RUNDC3B: variants seen among roughly 807,000 people sequenced by gnomAD.
RUNDC3B encodes the protein RUN domain-containing protein 3B.
RUNDC3B carries 33 observed loss-of-function variants against 58.4 expected under a neutral mutation model. The ratio of observed to expected loss-of-function variants is 0.56; its 90% CI spans 0.43 to 0.75. RUNDC3B has a LOEUF of 0.75. RUNDC3B is among the 30% of genes least tolerant of loss of function. The pLI is 0.00. For synonymous variants in RUNDC3B, 193 were observed against 195.2 expected (o/e 0.99, Z 0.10); for missense variants, 501 against 535.7 (o/e 0.94, Z 0.64).
chr7:87,765,866 T>A (rs2130861480), intron 6 of RUNDC3B, among the ~76,000 whole-genome samples: 1 of 152,232 alleles, frequency 6.6e-6, no homozygotes, highest in Non-Finnish European at 1.5e-5. Flanking sequence ...TCTGCCTCAG[T>A]AATCTGTCTA....
chr7:87,651,963 T>C (rs1199913469), intron 2 of RUNDC3B, among the ~76,000 whole-genome samples: 1 of 152,122 alleles, frequency 6.6e-6, no homozygotes, highest in East Asian at 1.9e-4. Flanking sequence ...TTTGTCCTTT[T>C]TGCTGTTCTG....
intron 4 of RUNDC3B, among the ~76,000 whole-genome samples, chr7:87,730,965 C>A (rs1296280499): frequency 6.6e-6 from 1 of 152,000 alleles, no homozygotes; most frequent in East Asian, 1.9e-4. Context: ...CTAAGAGCAC[C>A]AAGACAGTAC....
chr7:87,744,956 A>G (rs1285666292), intron 6 of RUNDC3B, among the ~76,000 whole-genome samples: 1 of 152,194 alleles, frequency 6.6e-6, no homozygotes, highest in Non-Finnish European at 1.5e-5. Flanking sequence ...TGGGTTTGTC[A>G]TAGATGGCTT....
At position 87,718,620 on chromosome 7, in the gene RUNDC3B, C is replaced by T. The variant is rs1365556395; in HGVS notation, c.458+7965C>T. Reference sequence around the variant, plus strand: ...TAAAAGTAAAAACCAGCTATTTTTCCTCTACAGAAGATGGAAAGTCCTTTA... The same window carrying T: ...TAAAAGTAAAAACCAGCTATTTTTCTTCTACAGAAGATGGAAAGTCCTTTA... On this transcript the variant is annotated intron_variant, in intron 4 of 10. Coordinates refer to ENST00000394654, the MANE Select transcript of RUNDC3B (RefSeq NM_001134405.2). 3.9e-5 allele frequency among the ~76,000 whole-genome samples: 6 copies of T among 152,106 alleles called. No homozygotes were observed. The South Asian group carries it at 1.0e-3, about 26-fold the overall frequency.
At chr7:87,790,268 C>T (rs771937474) in intron 8 of RUNDC3B, among the ~76,000 whole-genome samples, 1 of 152,136 alleles carries the variant, frequency 6.6e-6, no homozygotes, top group Non-Finnish European at 1.5e-5. Context: ...AGATCTTATC[C>T]AAGACCACTA....
chr7:87,717,323 A>G (rs527700576), intron 4 of RUNDC3B, among the ~76,000 whole-genome samples: 1 of 152,092 alleles, frequency 6.6e-6, no homozygotes, highest in South Asian at 2.1e-4. Flanking sequence ...TAAACAAGAT[A>G]AGAAAAACAA....
At chr7:87,659,008 T>C (rs6951067) in intron 2 of RUNDC3B, among the ~76,000 whole-genome samples, 23,972 of 152,028 alleles carry the variant, frequency 0.16, 3,197 homozygotes, top group African/African-American at 0.37. Flanking sequence ...AAAAAATTAA[T>C]CAGACATGGT....
chr7:87,824,576 A>C (rs1027103360), intron 10 of RUNDC3B, among the ~76,000 whole-genome samples: 21 of 152,356 alleles, frequency 1.4e-4, no homozygotes, highest in African/African-American at 4.8e-4. Flanking sequence ...AAGATACCCA[A>C]ACATGTGGAA....
At chr7:87,824,418 G>A (rs1482073877) in intron 10 of RUNDC3B, among the ~76,000 whole-genome samples, 1 of 152,184 alleles carries the variant, frequency 6.6e-6, no homozygotes, top group Non-Finnish European at 1.5e-5. Context: ...CTTCCACCAT[G>A]ATTGTGAGGC....
chr7:87,629,897 G>A (rs1821028533), intron 1 of RUNDC3B, among the ~76,000 whole-genome samples: 2 of 150,454 alleles, frequency 1.3e-5, no homozygotes, highest in Admixed American at 6.6e-5. Context: ...CACTCCAGCC[G>A]GGACCACAGG....
In RUNDC3B at chr7:87,718,624, A is replaced by G. The variant is rs190499810; in HGVS notation, c.458+7969A>G. Among the ~76,000 whole-genome samples, 10 of 152,248 alleles carry G rather than the reference A, an allele frequency of 6.6e-5. No individual in the cohort carries two copies. The East Asian group carries it at 1.9e-3, about 29-fold the overall frequency. On this transcript the variant is annotated intron_variant, in intron 4 of 10. Transcript: ENST00000394654. ...AGTAAAAACCAGCTATTTTTCCTCT[A>G]CAGAAGATGGAAAGTCCTTTACAAA... is the stretch of plus-strand genomic sequence containing the variant.
chr7:87,709,224 C>A (rs1393708034), intron 3 of RUNDC3B: 3 of 984,484 alleles, frequency 3.0e-6, no homozygotes, highest in African/African-American at 1.7e-5. Context: ...CCCTACATTT[C>A]TTATCTAGTA....
At chr7:87,688,098 A>G (rs752466679) in intron 2 of RUNDC3B, among the ~76,000 whole-genome samples, 4 of 152,158 alleles carry the variant, frequency 2.6e-5, no homozygotes, top group African/African-American at 4.8e-5. Context: ...GCTTTTAGAC[A>G]ATGGGAGAGG....
chr7:87,739,746 C>A, intron 4 of RUNDC3B, 45 bp from the exon 5 acceptor site: 1 of 880,314 alleles, frequency 1.1e-6, no homozygotes, highest in Non-Finnish European at 1.8e-6. Flanking sequence ...ATCAAACTTC[C>A]ATTTATTTTT....
chr7:87,659,751 A>G (rs536174277), intron 2 of RUNDC3B, among the ~76,000 whole-genome samples: 2 of 152,282 alleles, frequency 1.3e-5, no homozygotes, highest in East Asian at 1.9e-4. Context: ...TGAAGTTTCT[A>G]GCCAGTCTTC....
chr7:87,715,062 C>A (rs1436173405), intron 4 of RUNDC3B, among the ~76,000 whole-genome samples: 3 of 151,110 alleles, frequency 2.0e-5, no homozygotes, highest in Non-Finnish European at 4.4e-5. Flanking sequence ...CTCCCTACAT[C>A]TTTCTCTATT....
At chr7:87,629,090 G>A in intron 1 of RUNDC3B, 145 bp downstream of exon 1, 2 of 758,968 alleles carry the variant, frequency 2.6e-6, no homozygotes, top group Admixed American at 4.3e-5. Context: ...CTGTGAGCGC[G>A]CAGCTCCTTG....
chr7:87,718,344 A>G (rs1830681307), intron 4 of RUNDC3B, among the ~76,000 whole-genome samples: 1 of 152,146 alleles, frequency 6.6e-6, no homozygotes, highest in African/African-American at 2.4e-5. Context: ...GATAGTCAGG[A>G]GGCACCTTCT....
At chr7:87,805,536 C>G (rs1194288078) in intron 8 of RUNDC3B, among the ~76,000 whole-genome samples, 4 of 152,182 alleles carry the variant, frequency 2.6e-5, no homozygotes, top group Non-Finnish European at 5.9e-5. Flanking sequence ...GGTCTAAAGA[C>G]AGTACCTTAA....
Sources: gnomAD v4.1 joint callset for allele counts (sites outside exome capture counted in the v4.1 genomes callset) on GRCh38, gnomAD v4.1.1 for gene constraint, MANE v1.5 for transcripts, NCBI Gene and HGNC (gene_info 2026-07-23, HGNC 2026-07-21) for gene names.